RASA3: variants seen among roughly 807,000 people sequenced by gnomAD.
RASA3 encodes RAS p21 protein activator 3, also known as ras GTPase-activating protein 3.
Under a neutral mutation model 110.0 loss-of-function variants are expected in RASA3, and 73 were observed. The observed-to-expected ratio is 0.66, with a 90% confidence interval of 0.55 to 0.81. The LOEUF (loss-of-function observed/expected upper bound fraction) is 0.81. RASA3 is among the 30% of genes least tolerant of loss of function. RASA3 has a pLI of 0.00. For missense variants in RASA3, 976 were observed against 1,113.2 expected, an observed-to-expected ratio of 0.88 and a Z score of 1.75; for synonymous variants, 500 against 451.4, an observed-to-expected ratio of 1.11 and a Z score of -1.37.
intron 2 of RASA3, among the ~76,000 whole-genome samples, chr13:114,055,550 G>A (rs903457406): frequency 7.9e-5 from 12 of 152,368 alleles, no homozygotes; most frequent in Non-Finnish European, 1.0e-4. Flanking sequence ...CTCAGGTGAC[G>A]AGCTACTCAC....
intron 2 of RASA3, among the ~76,000 whole-genome samples, chr13:114,060,901 G>A (rs1364378594): frequency 6.6e-6 from 1 of 152,048 alleles, no homozygotes; most frequent in East Asian, 1.9e-4. Flanking sequence ...GCCGGGAGAC[G>A]GGGCCTCCAA....
chr13:114,037,171 C>T (rs1388836044), intron 4 of RASA3, among the ~76,000 whole-genome samples: 2 of 152,122 alleles, frequency 1.3e-5, no homozygotes, highest in Admixed American at 6.5e-5. Context: ...GATCAACCTG[C>T]GGCATTCTTA....
intron 4 of RASA3, among the ~76,000 whole-genome samples, chr13:114,037,459 C>CA (rs772473767): frequency 7.8e-4 from 118 of 152,242 alleles, no homozygotes; most frequent in Non-Finnish European, 1.5e-3. Flanking sequence ...TGGCCTGCGT[C>CA]AGAGACAGAG....
intron 1 of RASA3, among the ~76,000 whole-genome samples, chr13:114,091,560 C>A (rs1432494953): frequency 6.6e-6 from 1 of 150,916 alleles, no homozygotes; most frequent in Non-Finnish European, 1.5e-5. Flanking sequence ...CTGGATGAGT[C>A]CCACCTGTCA....
chr13:114,088,121 G>A (rs561556539), intron 1 of RASA3, among the ~76,000 whole-genome samples: 45 of 80,908 alleles, frequency 5.6e-4, no homozygotes, highest in Non-Finnish European at 6.4e-4. Context: ...ACAGAGTGAG[G>A]CCCTGTCTCA....
intron 2 of RASA3, among the ~76,000 whole-genome samples, chr13:114,061,856 T>C (rs1277497566): frequency 2.0e-5 from 3 of 152,142 alleles, no homozygotes; most frequent in Admixed American, 6.5e-5. Flanking sequence ...AGCCGTCACC[T>C]GTGCTTGCGG....
Position 114,096,698 on chromosome 13 carries a change from C to T in RASA3, c.56-22861G>A. Among the ~76,000 whole-genome samples, 1 of 152,104 alleles carries T rather than the reference C, an allele frequency of 6.6e-6. No individual in the cohort carries two copies. Among genetic ancestry groups the T allele is most frequent in the East Asian group, 1.9e-4 (1 of 5,190 alleles). On this transcript the variant is annotated intron_variant, in intron 1 of 23. Transcript: ENST00000334062. This position sits in a 1 kb window ranked among gnomAD's most constrained non-coding sequence, Gnocchi z 5.1. ...CCACACTGACTAGCGTGCGGGTCTC[C>T]ACCACAGTTATGACCACCCTTCCCT... is the stretch of plus-strand genomic sequence containing the variant.
chr13:114,082,671 A>G (rs1377677706), intron 1 of RASA3, among the ~76,000 whole-genome samples: 1 of 152,134 alleles, frequency 6.6e-6, no homozygotes, highest in Non-Finnish European at 1.5e-5. Context: ...AGGGAAAACA[A>G]CTTTCCTTAA....
Position 114,021,800 on chromosome 13 carries a change from G to T in RASA3, c.681-292C>A, listed in dbSNP as rs554093625. ...TAGGAGGGAGCCTGGGCATCGCTGC[G>T]TGCACCCAGAAGCTACATGACCCCA... On this transcript the variant is annotated intron_variant, in intron 8 of 23. Coordinates refer to ENST00000334062, the MANE Select transcript of RASA3 (RefSeq NM_007368.4). Among the ~76,000 whole-genome samples the T allele has an allele frequency of 3.3e-5, 5 of 151,908 alleles. No homozygotes were observed. The South Asian group carries it at 1.0e-3, about 32-fold the overall frequency.
At chr13:114,015,803 G>A (rs2139286645) in intron 13 of RASA3, among the ~76,000 whole-genome samples, 1 of 152,306 alleles carries the variant, frequency 6.6e-6, no homozygotes, top group African/African-American at 2.4e-5. Flanking sequence ...TAGGAAAAGG[G>A]AGGGGCAGGA....
At chr13:114,020,772 C>G (rs1476945141) in intron 9 of RASA3, among the ~76,000 whole-genome samples, 4 of 152,242 alleles carry the variant, frequency 2.6e-5, no homozygotes, top group Non-Finnish European at 5.9e-5. Flanking sequence ...TCAGAGCCGA[C>G]CACTGAGGTC....
intron 4 of RASA3, among the ~76,000 whole-genome samples, chr13:114,037,996 G>A (rs1337667743): frequency 6.6e-6 from 1 of 152,130 alleles, no homozygotes; most frequent in Non-Finnish European, 1.5e-5. Flanking sequence ...TCAGGGAAAG[G>A]TGGGAATTCG....
At position 114,011,059 on chromosome 13, in the gene RASA3, T is replaced by C; in HGVS notation, c.1590+112A>G. 1 of 1,046,712 alleles carries C rather than the reference T, an allele frequency of 9.6e-7. No homozygotes were observed. The highest frequency in any genetic ancestry group is 1.4e-6 in the Non-Finnish European group (1 of 691,370). 64.8% of individuals were successfully genotyped at this position (1,046,712 alleles called of 1,614,324 possible). A position where few individuals can be genotyped will look rare whatever the true frequency, so the allele number is the denominator to read the frequency against. ...AGGATGTGGTGCCGGCTTTGATTCT[T>C]GATCTTTATCTTACGACTCTCTCAA... On this transcript the variant is annotated intron_variant, in intron 16 of 23. Coordinates refer to ENST00000334062, the MANE Select transcript of RASA3 (RefSeq NM_007368.4). The surrounding 1 kb of genome is among the most constrained non-coding windows in gnomAD (Gnocchi z 4.8).
intron 9 of RASA3, among the ~76,000 whole-genome samples, chr13:114,019,225 C>T (rs559121513): frequency 1.3e-4 from 20 of 152,184 alleles, no homozygotes; most frequent in Admixed American, 1.3e-4. Flanking sequence ...GTCAGTGACC[C>T]GCCCTAAGAC....
chr13:114,118,725 A>C (rs1413466074), intron 1 of RASA3, among the ~76,000 whole-genome samples: 1 of 152,290 alleles, frequency 6.6e-6, no homozygotes, highest in Non-Finnish European at 1.5e-5. Flanking sequence ...CCGTGTGACC[A>C]TCCACAAATC....
Position 114,057,508 on chromosome 13 carries a change from A to C in RASA3, c.174-5353T>G. 2 of 985,396 alleles carry C rather than the reference A, an allele frequency of 2.0e-6. No individual in the cohort carries two copies. Among genetic ancestry groups the C allele is most frequent in the South Asian group, 9.4e-5 (2 of 21,284 alleles). The allele number at this position is 985,396 out of a possible 1,614,324, so 61.0% of individuals were successfully genotyped here. A position where few individuals can be genotyped will look rare whatever the true frequency, so the allele number is the denominator to read the frequency against. ...GAATAGAGGGTTCGTTCAGCTTCTT[A>C]GACCGATGATTTATTTAGGGAATAA... On this transcript the variant is annotated intron_variant, in intron 2 of 23. Coordinates refer to ENST00000334062, the MANE Select transcript of RASA3 (RefSeq NM_007368.4). The surrounding 1 kb of genome is among the most constrained non-coding windows in gnomAD (Gnocchi z 5.0).
chr13:114,105,170 G>A (rs965936839), intron 1 of RASA3, among the ~76,000 whole-genome samples: 1 of 152,148 alleles, frequency 6.6e-6, no homozygotes, highest in Non-Finnish European at 1.5e-5. Flanking sequence ...TCAGAAGGGT[G>A]GGTGGGGCTC....
At chr13:114,007,684 C>A in intron 17 of RASA3, 78 bp from the exon 18 acceptor site, 2 of 1,226,100 alleles carry the variant, frequency 1.6e-6, no homozygotes, top group Non-Finnish European at 2.4e-6. Context: ...ACAACAGCGT[C>A]GGCGGCTACT....
chr13:113,981,931 C>T lies in RASA3; in HGVS notation c.2246-73G>A, dbSNP rs2052946209. The T allele has an allele frequency of 2.8e-6, 4 of 1,432,986 alleles. No individual in the cohort carries two copies. The Admixed American group carries it at 7.8e-5, about 28-fold the overall frequency. The allele number at this position is 1,432,986 out of a possible 1,614,324, so 88.8% of individuals were successfully genotyped here. On this transcript the variant is annotated intron_variant, in intron 22 of 23. Coordinates refer to ENST00000334062, the MANE Select transcript of RASA3 (RefSeq NM_007368.4). ...GCCCCGTCTCCACACAGCTGCGTCG[C>T]TGCAGGCCCCACCCACAGTACACAT...
Sources: allele counts gnomAD v4.1 joint callset (sites outside exome capture counted in the v4.1 genomes callset), GRCh38; gene constraint gnomAD v4.1.1; non-coding constraint Gnocchi (gnomAD v3.1); transcripts MANE v1.5; gene names NCBI Gene and HGNC (gene_info 2026-07-23, HGNC 2026-07-21).